ARHGAP10: variants seen among roughly 807,000 people sequenced by gnomAD.
ARHGAP10 encodes rho GTPase-activating protein 10.
ARHGAP10 carries 87 observed loss-of-function variants against 108.6 expected under a neutral mutation model. The observed-to-expected ratio is 0.80, with a 90% CI of 0.67 to 0.96. ARHGAP10 has a LOEUF of 0.96. ARHGAP10 is among the 40% of genes least tolerant of loss of function. ARHGAP10 has a pLI of 0.00. For synonymous variants in ARHGAP10, 347 were observed against 341.1 expected (o/e 1.02, Z -0.19); for missense variants, 939 against 954.5 (o/e 0.98, Z 0.21).
Position 147,879,217 on chromosome 4 carries a change from G to GT in ARHGAP10, c.833-8dup, listed in dbSNP as rs988036420. The GT allele has an allele frequency of 2.3e-5, 37 of 1,604,766 alleles. No individual in the cohort carries two copies. The highest frequency in any genetic ancestry group is 2.9e-5 in the Non-Finnish European group (34 of 1,176,230). Reference sequence around the variant, plus strand: ...TTTATGAGGGAAAATATAAAGGGCTGTTTTTTTGTTGAAGGGCCTGCTCCG... The same window carrying GT: ...TTTATGAGGGAAAATATAAAGGGCTGTTTTTTTTGTTGAAGGGCCTGCTCCG... On this transcript the variant is annotated splice_polypyrimidine_tract_variant and intron_variant, in intron 8 of 22. Coordinates refer to ENST00000336498, the MANE Select transcript of ARHGAP10 (RefSeq NM_024605.4).
In ARHGAP10 at chr4:147,939,915, A is replaced by G; in HGVS notation, c.1303+16A>G. On this transcript the variant is annotated intron_variant, in intron 14 of 22. Coordinates refer to ENST00000336498, the MANE Select transcript of ARHGAP10 (RefSeq NM_024605.4). Reference sequence around the variant, plus strand: ...ATGTTGATGGGTATGCCTCTTTTCTAATCATTTTTCCATGTGTTATTTGTG... The same window carrying G: ...ATGTTGATGGGTATGCCTCTTTTCTGATCATTTTTCCATGTGTTATTTGTG... 6.2e-7 allele frequency: 1 copy of G among 1,603,868 alleles called. No homozygotes were observed.
At chr4:147,833,635 C>T (rs953528189) in intron 3 of ARHGAP10, among the ~76,000 whole-genome samples, 1 of 152,148 alleles carries the variant, frequency 6.6e-6, no homozygotes, top group African/African-American at 2.4e-5. Context: ...TTGCTTACTT[C>T]TTTATGCACA....
At chr4:148,053,414 A>C (rs1043336590) in intron 20 of ARHGAP10, among the ~76,000 whole-genome samples, 29 of 152,178 alleles carry the variant, frequency 1.9e-4, no homozygotes, top group African/African-American at 6.8e-4. Context: ...ATAATTATCT[A>C]TGGGGAATAA....
chr4:147,852,630 C>A (rs1226280818), intron 4 of ARHGAP10, among the ~76,000 whole-genome samples: 1 of 151,316 alleles, frequency 6.6e-6, no homozygotes, highest in Non-Finnish European at 1.5e-5. Context: ...CATAAGGAAG[C>A]CAGTTTTACC....
chr4:147,842,573 A>G (rs776543007), intron 3 of ARHGAP10, among the ~76,000 whole-genome samples: 33 of 151,944 alleles, frequency 2.2e-4, no homozygotes, highest in Admixed American at 2.0e-4. Flanking sequence ...CTTTAGTGAC[A>G]CCGAGCTGCT....
At chr4:148,031,274 G>C (rs868766024) in intron 19 of ARHGAP10, among the ~76,000 whole-genome samples, 21 of 152,232 alleles carry the variant, frequency 1.4e-4, no homozygotes, top group African/African-American at 5.1e-4. Context: ...GTTCATGCAG[G>C]AGTATGATAC....
intron 20 of ARHGAP10, among the ~76,000 whole-genome samples, chr4:148,052,763 C>T (rs1246967049): frequency 6.6e-6 from 1 of 152,062 alleles, no homozygotes; most frequent in Non-Finnish European, 1.5e-5. Flanking sequence ...AGCAGGGTCA[C>T]TTAGATAGTG....
At chr4:147,784,235 A>G (rs955430024) in intron 1 of ARHGAP10, among the ~76,000 whole-genome samples, 1 of 110,834 alleles carries the variant, frequency 9.0e-6, no homozygotes, top group African/African-American at 3.5e-5. Context: ...TGTGTATTAT[A>G]TAATTTACAT....
chr4:147,947,106 T>C (rs1738416127), intron 15 of ARHGAP10, among the ~76,000 whole-genome samples: 1 of 152,186 alleles, frequency 6.6e-6, no homozygotes, highest in Non-Finnish European at 1.5e-5. Context: ...AACATGTCAA[T>C]GCAAAGCTCT....
Position 147,888,910 on chromosome 4 carries a change from C to T in ARHGAP10, c.1034+6978C>T, listed in dbSNP as rs150531136. Among the ~76,000 whole-genome samples, 47 of 152,310 alleles carry T rather than the reference C, an allele frequency of 3.1e-4. No individual in the cohort carries two copies. In the East Asian group the frequency reaches 8.9e-3, roughly 29 times the overall value. ...GAGATAGGCTCTTCTCTTGTCTACT[C>T]TCCTGATTCCTAGGTAGAATCAGGA... On this transcript the variant is annotated intron_variant, in intron 10 of 22. Coordinates refer to ENST00000336498, the MANE Select transcript of ARHGAP10 (RefSeq NM_024605.4).
intron 18 of ARHGAP10, among the ~76,000 whole-genome samples, chr4:148,016,238 T>A (rs1321335006): frequency 1.3e-5 from 2 of 152,180 alleles, no homozygotes; most frequent in Non-Finnish European, 2.9e-5. Flanking sequence ...ATGCAGTGAC[T>A]CATACCTGTA....
At chr4:148,064,347 T>C in intron 21 of ARHGAP10, 69 bp from the exon 22 acceptor site, 2 of 1,382,380 alleles carry the variant, frequency 1.4e-6, no homozygotes, top group Admixed American at 1.9e-5. Flanking sequence ...GGAAGGGGGG[T>C]TGGGGGGTGA....
chr4:147,819,056 A>G (rs1354345991), intron 1 of ARHGAP10, among the ~76,000 whole-genome samples: 1 of 152,240 alleles, frequency 6.6e-6, no homozygotes, highest in Non-Finnish European at 1.5e-5. Context: ...GGAGAAATAC[A>G]TCAGATTAGT....
intron 18 of ARHGAP10, among the ~76,000 whole-genome samples, chr4:148,006,659 T>C (rs966644595): frequency 1.3e-5 from 2 of 152,114 alleles, no homozygotes; most frequent in Non-Finnish European, 2.9e-5. Context: ...CAGAAGAGAG[T>C]ACTTTTAAGG....
intron 15 of ARHGAP10, among the ~76,000 whole-genome samples, chr4:147,950,025 G>A (rs1738535295): frequency 6.6e-6 from 1 of 151,918 alleles, no homozygotes; most frequent in African/African-American, 2.4e-5. Flanking sequence ...TTATTACCTT[G>A]CTTCATCCTA....
chr4:147,969,988 G>A (rs924461969), intron 18 of ARHGAP10, among the ~76,000 whole-genome samples: 1 of 152,000 alleles, frequency 6.6e-6, no homozygotes, highest in East Asian at 1.9e-4. Flanking sequence ...GTGTGGCAGG[G>A]TTGGAGGGTT....
intron 4 of ARHGAP10, among the ~76,000 whole-genome samples, chr4:147,847,428 C>T (rs1017540141): frequency 6.6e-6 from 1 of 152,212 alleles, no homozygotes; most frequent in Non-Finnish European, 1.5e-5. Context: ...CTCTAGTAAT[C>T]TTCTTGGGCT....
chr4:148,046,760 G>A, intron 19 of ARHGAP10, 132 bp from the exon 20 acceptor site: 3 of 864,962 alleles, frequency 3.5e-6, no homozygotes, highest in South Asian at 4.6e-5. Context: ...AGGACACCCA[G>A]ATACTGTCAG....
chr4:148,038,820 T>C (rs927886584), intron 19 of ARHGAP10, among the ~76,000 whole-genome samples: 1 of 152,244 alleles, frequency 6.6e-6, no homozygotes, highest in African/African-American at 2.4e-5. Flanking sequence ...TTAATTTTGG[T>C]TGAAGTCTGT....
Sources: allele counts gnomAD v4.1 joint callset (sites outside exome capture counted in the v4.1 genomes callset), GRCh38; gene constraint gnomAD v4.1.1; transcripts MANE v1.5; gene names NCBI Gene and HGNC (gene_info 2026-07-23, HGNC 2026-07-21).